CACNB4: variants seen among roughly 807,000 people sequenced by gnomAD.
CACNB4 encodes calcium voltage-gated channel auxiliary subunit beta 4.
A neutral mutation model predicts 71.2 loss-of-function variants in CACNB4; 32 were observed. The observed-to-expected ratio is 0.45, with a 90% CI of 0.34 to 0.60. The LOEUF is 0.60. Among genes scored for constraint, CACNB4 ranks in the 20% least tolerant of loss-of-function variants. The probability of loss-of-function intolerance (pLI) is 0.01; values close to 1 mark genes in which losing one functional copy is unlikely to be tolerated. For missense variants in CACNB4, 464 were observed against 647.9 expected (o/e 0.72, Z 3.08); for synonymous variants, 231 against 236.9 (o/e 0.97, Z 0.23).
At chr2:151,943,647 T>C (rs1010420295) in intron 2 of CACNB4, among the ~76,000 whole-genome samples, 2 of 152,194 alleles carry the variant, frequency 1.3e-5, no homozygotes, top group Non-Finnish European at 2.9e-5. Flanking sequence ...CAAGGGCTAA[T>C]AAGGGGTTCG....
intron 2 of CACNB4, among the ~76,000 whole-genome samples, chr2:151,980,141 G>A (rs772885966): frequency 6.6e-5 from 10 of 151,986 alleles, no homozygotes; most frequent in Non-Finnish European, 1.2e-4. Context: ...TTTTCTCTTT[G>A]ATTTGATAAC....
At chr2:152,052,541 G>A (rs561222461) in intron 2 of CACNB4, among the ~76,000 whole-genome samples, 8 of 152,258 alleles carry the variant, frequency 5.3e-5, no homozygotes, top group East Asian at 3.9e-4. Flanking sequence ...TGATCCGCCC[G>A]CCTCGGCCTT....
At chr2:152,025,898 T>C (rs936997199) in intron 2 of CACNB4, among the ~76,000 whole-genome samples, 2 of 152,250 alleles carry the variant, frequency 1.3e-5, no homozygotes, top group Non-Finnish European at 2.9e-5. Context: ...GTTTGCAGTA[T>C]AGTAGAAAAA....
intron 12 of CACNB4, among the ~76,000 whole-genome samples, chr2:151,849,202 G>C (rs1308067543): frequency 6.6e-6 from 1 of 152,080 alleles, no homozygotes; most frequent in Admixed American, 6.5e-5. Context: ...CAAATTCCTT[G>C]ACATTCCCTC....
chr2:151,999,132 C>G (rs1682244216), intron 2 of CACNB4, among the ~76,000 whole-genome samples: 1 of 152,104 alleles, frequency 6.6e-6, no homozygotes, highest in Non-Finnish European at 1.5e-5. Flanking sequence ...ATTAATTATC[C>G]AGACAATCAA....
intron 2 of CACNB4, among the ~76,000 whole-genome samples, chr2:152,065,695 G>T (rs1166413065): frequency 6.6e-6 from 1 of 152,064 alleles, no homozygotes; most frequent in African/African-American, 2.4e-5. Flanking sequence ...CTCTCCACTT[G>T]TCCTTTCCTC....
chr2:151,864,894 T>C (rs772138864), intron 9 of CACNB4, among the ~76,000 whole-genome samples: 30 of 152,244 alleles, frequency 2.0e-4, no homozygotes, highest in Admixed American at 7.9e-4. Flanking sequence ...AGTTTCCTTA[T>C]GTCCTACTCT....
intron 2 of CACNB4, among the ~76,000 whole-genome samples, chr2:152,065,886 T>C (rs542430091): frequency 2.0e-5 from 3 of 152,198 alleles, no homozygotes; most frequent in Non-Finnish European, 1.5e-5. Flanking sequence ...GGACTACAGA[T>C]GTTTGCTACC....
At chr2:151,841,307 T>C (rs1223797359) in intron 13 of CACNB4, among the ~76,000 whole-genome samples, 1 of 152,200 alleles carries the variant, frequency 6.6e-6, no homozygotes, top group Non-Finnish European at 1.5e-5. Context: ...GAGTGGTGGC[T>C]CATGATGGTA....
chr2:151,999,376 G>GTTTTTTTT (rs5835398), intron 2 of CACNB4, among the ~76,000 whole-genome samples: 1 of 147,548 alleles, frequency 6.8e-6, no homozygotes, highest in African/African-American at 2.5e-5. Flanking sequence ...CCCTGTTATG[G>GTTTTTTTT]TTTTTTTTTT....
chr2:151,885,240 T>A (rs1460391620), intron 2 of CACNB4, among the ~76,000 whole-genome samples: 2 of 152,252 alleles, frequency 1.3e-5, no homozygotes, highest in African/African-American at 4.8e-5. Flanking sequence ...AGTCTTCTTG[T>A]CTATTAAAGA....
intron 2 of CACNB4, among the ~76,000 whole-genome samples, chr2:152,004,548 C>T (rs914232885): frequency 7.6e-4 from 115 of 151,990 alleles, no homozygotes; most frequent in Middle Eastern, 3.4e-3. Context: ...CACACACACA[C>T]ACACACACAC....
chr2:152,041,961 G>A (rs1030871990), intron 2 of CACNB4, among the ~76,000 whole-genome samples: 2 of 152,180 alleles, frequency 1.3e-5, no homozygotes, highest in Non-Finnish European at 2.9e-5. Context: ...ATAATGCCCA[G>A]CACATAGGAG....
intron 2 of CACNB4, chr2:151,970,300 T>A (rs1250628755): frequency 6.6e-6 from 1 of 152,174 alleles, no homozygotes; most frequent in Non-Finnish European, 1.5e-5. Context: ...TATATGTGGA[T>A]TGATCATCTG....
At chr2:152,006,714 G>A (rs1682749562) in intron 2 of CACNB4, among the ~76,000 whole-genome samples, 1 of 152,046 alleles carries the variant, frequency 6.6e-6, no homozygotes, top group African/African-American at 2.4e-5. Flanking sequence ...CTTACTCTGG[G>A]ATTGAAAGCC....
intron 2 of CACNB4, among the ~76,000 whole-genome samples, chr2:152,042,439 C>T (rs972721596): frequency 6.6e-6 from 1 of 152,140 alleles, no homozygotes; most frequent in Non-Finnish European, 1.5e-5. Flanking sequence ...ACCTTTCGGG[C>T]CTCTGAGGAT....
In CACNB4 at chr2:151,853,534, G is replaced by T; in HGVS notation, c.1030C>A (p.Arg344=). ...VKVSSPKVLQ[R]LIKSRGKSQS... is the part of the protein sequence containing the mutation. ...GACTTTCCTCTAGATTTAATCAACCGCTGTAAAACCTGATAGAAGAAGACA... is the reference window on the plus strand; with the variant it reads ...GACTTTCCTCTAGATTTAATCAACCTCTGTAAAACCTGATAGAAGAAGACA... The change falls in exon 12 of 14, where the codon CGG becomes AGG. Residue 344 remains arginine (R), a synonymous_variant. Transcript: ENST00000539935. The T allele has an allele frequency of 6.3e-7, 1 of 1,580,932 alleles. No individual in the cohort carries two copies. Among genetic ancestry groups the T allele is most frequent in the Non-Finnish European group, 8.6e-7 (1 of 1,160,712 alleles).
At chr2:152,030,156 G>A (rs1239219477) in intron 2 of CACNB4, among the ~76,000 whole-genome samples, 1 of 151,250 alleles carries the variant, frequency 6.6e-6, no homozygotes. Context: ...TCACTATTTA[G>A]TTGCTTCTAA....
At chr2:151,876,397 A>C (rs746187710) in intron 5 of CACNB4, 29 bp downstream of exon 5, 11 of 1,581,534 alleles carry the variant, frequency 7.0e-6, no homozygotes, top group Non-Finnish European at 9.5e-6. Context: ...CTGACCAAAA[A>C]AAAGTGCATA....
Sources: gnomAD v4.1 joint callset for allele counts (sites outside exome capture counted in the v4.1 genomes callset) on GRCh38, gnomAD v4.1.1 for gene constraint, MANE v1.5 for transcripts, NCBI Gene and HGNC (gene_info 2026-07-23, HGNC 2026-07-21) for gene names.